The following RAPGEF2 variants were observed in gnomAD, a reference collection of about 807,000 sequenced individuals.
The protein encoded by RAPGEF2 is PDZ domain containing guanine nucleotide exchange factor (GEF) 1.
RAPGEF2 carries 54 observed loss-of-function variants against 186.7 expected under a neutral mutation model. The ratio of observed to expected loss-of-function variants is 0.29; its 90% CI spans 0.23 to 0.36. RAPGEF2 has a LOEUF of 0.36. Among genes scored for constraint, RAPGEF2 ranks in the 10% least tolerant of loss-of-function variants. The probability of loss-of-function intolerance (pLI) is 1.00; values close to 1 mark genes in which losing one functional copy is unlikely to be tolerated. For synonymous variants in RAPGEF2, 712 were observed against 705.9 expected (o/e 1.01, Z -0.14); for missense variants, 1,532 against 2,045.0 (o/e 0.75, Z 4.84).
chr4:159,306,764 T>C (rs1579864436), intron 8 of RAPGEF2, among the ~76,000 whole-genome samples: 1 of 152,166 alleles, frequency 6.6e-6, no homozygotes, highest in African/African-American at 2.4e-5. Context: ...GTTTGTCTTA[T>C]ATTACAAGTT....
intron 1 of RAPGEF2, among the ~76,000 whole-genome samples, chr4:159,109,876 G>A (rs772493225): frequency 6.6e-6 from 1 of 152,208 alleles, no homozygotes; most frequent in Non-Finnish European, 1.5e-5. Context: ...ACTGAGGAGG[G>A]GGTAAGGAAT....
Position 159,298,628 on chromosome 4 carries a change from T to C in RAPGEF2, c.544-5714T>C, listed in dbSNP as rs1418697117. ...AAGACAGTGTGGGTGTGTATGTATG[T>C]GCATGCCTAGAGAAAGAGAAACAAT... On this transcript the variant is annotated intron_variant, in intron 7 of 29. Coordinates refer to ENST00000691494, the MANE Select transcript of RAPGEF2 (RefSeq NM_001394067.2). 2.0e-5 allele frequency among the ~76,000 whole-genome samples: 3 copies of C among 152,218 alleles called. No individual in the cohort carries two copies. The East Asian group carries it at 5.8e-4, about 29-fold the overall frequency.
At chr4:159,207,440 C>T (rs1750104359) in intron 3 of RAPGEF2, among the ~76,000 whole-genome samples, 1 of 152,188 alleles carries the variant, frequency 6.6e-6, no homozygotes, top group Admixed American at 6.5e-5. Context: ...TTTTTGCCTT[C>T]AGAGTTGACA....
Position 159,193,195 on chromosome 4 carries a change from T to C in RAPGEF2, c.141-5T>C. On this transcript the variant is annotated splice_region_variant and splice_polypyrimidine_tract_variant and intron_variant, in intron 2 of 29. Transcript: ENST00000691494. The stretch of plus-strand genomic sequence containing the variant: ...GTTGAACTCATGTTTTTATCTCTTT[T>C]ACAGGTTAATGTGTGAAACTGTGAG... The C allele has an allele frequency of 6.7e-7, 1 of 1,483,362 alleles. No homozygotes were observed. 91.9% of individuals were successfully genotyped at this position (1,483,362 alleles called of 1,614,324 possible).
chr4:159,230,764 G>A (rs1402435629), intron 4 of RAPGEF2, among the ~76,000 whole-genome samples: 1 of 152,116 alleles, frequency 6.6e-6, no homozygotes, highest in African/African-American at 2.4e-5. Flanking sequence ...TGGTCATTGA[G>A]AATTCACCTC....
intron 7 of RAPGEF2, chr4:159,267,831 G>A (rs1229515872): frequency 3.1e-6 from 3 of 958,072 alleles, no homozygotes; most frequent in South Asian, 4.9e-5. Context: ...TTTGCCTCTT[G>A]TTCTTCAATC....
At chr4:159,212,676 A>G (rs148777822) in intron 4 of RAPGEF2, among the ~76,000 whole-genome samples, 200 of 152,350 alleles carry the variant, frequency 1.3e-3, no homozygotes, top group Middle Eastern at 0.01. Context: ...TAATAATTTT[A>G]AAGAATACAT....
At chr4:159,325,125 T>G (rs183945618) in intron 11 of RAPGEF2, among the ~76,000 whole-genome samples, 1 of 152,142 alleles carries the variant, frequency 6.6e-6, no homozygotes, top group Non-Finnish European at 1.5e-5. Flanking sequence ...TAAAATTATC[T>G]TATCTATAGA....
intron 7 of RAPGEF2, among the ~76,000 whole-genome samples, chr4:159,269,998 A>G (rs1034083182): frequency 6.6e-6 from 1 of 152,244 alleles, no homozygotes; most frequent in Non-Finnish European, 1.5e-5. Context: ...TTGTTTCCTG[A>G]CAAGTGCCTA....
At chr4:159,203,568 A>G (rs1368848172) in intron 3 of RAPGEF2, among the ~76,000 whole-genome samples, 1 of 152,224 alleles carries the variant, frequency 6.6e-6, no homozygotes, top group African/African-American at 2.4e-5. Flanking sequence ...AAGGATGAGT[A>G]ATAAATTTAC....
At chr4:159,340,536 T>C (rs1729239178) in intron 19 of RAPGEF2, among the ~76,000 whole-genome samples, 1 of 152,160 alleles carries the variant, frequency 6.6e-6, no homozygotes, top group Non-Finnish European at 1.5e-5. Context: ...GTGTTTGCCT[T>C]GGTGAAATAC....
intron 28 of RAPGEF2, among the ~76,000 whole-genome samples, chr4:159,354,636 T>C (rs1731691048): frequency 1.3e-5 from 2 of 152,194 alleles, no homozygotes; most frequent in African/African-American, 4.8e-5. Context: ...ACTTTATTAG[T>C]TTTGTGACAT....
At chr4:159,225,647 G>C (rs1288833601) in intron 4 of RAPGEF2, among the ~76,000 whole-genome samples, 2 of 152,122 alleles carry the variant, frequency 1.3e-5, no homozygotes, top group Non-Finnish European at 2.9e-5. Context: ...TCAACACTTG[G>C]TGTTGTCAGT....
chr4:159,142,286 A>G (rs1742436080), intron 1 of RAPGEF2, among the ~76,000 whole-genome samples: 1 of 152,196 alleles, frequency 6.6e-6, no homozygotes. Context: ...AAAATGAGGA[A>G]CATTTTTCTT....
At position 159,338,292 on chromosome 4, in the gene RAPGEF2, A is replaced by G. The variant is rs969357172; in HGVS notation, c.2136-19A>G. The G allele has an allele frequency of 2.5e-6, 4 of 1,591,314 alleles. No homozygotes were observed. The African/African-American group carries it at 4.0e-5, about 16-fold the overall frequency. Reference sequence around the variant, plus strand: ...CTTTTTAACTTGTTGATAATTTTCTAATTTTCCTCTTTGTTCAGTGATATT... The same window carrying G: ...CTTTTTAACTTGTTGATAATTTTCTGATTTTCCTCTTTGTTCAGTGATATT... On this transcript the variant is annotated intron_variant, in intron 17 of 29. Coordinates refer to ENST00000691494, the MANE Select transcript of RAPGEF2 (RefSeq NM_001394067.2).
chr4:159,343,259 T>C (rs1729802493), intron 21 of RAPGEF2, 22 bp from the exon 22 acceptor site: 2 of 1,614,072 alleles, frequency 1.2e-6, no homozygotes, highest in South Asian at 1.1e-5. Flanking sequence ...GTGATTTCCT[T>C]TTCCTCCTCT....
chr4:159,356,095 C>T lies in RAPGEF2; in HGVS notation c.4894C>T (p.Pro1632Ser), dbSNP rs1177716099. ...TGTGAACAAACCTCAGTGGCATAAA[C>T]CGAACGAGTCTGACCCGCGCCTCGC... is the stretch of plus-strand genomic sequence containing the variant. ...RPVNKPQWHKPNESDPRLAPY... is the reference protein window; with the variant it reads ...RPVNKPQWHKSNESDPRLAPY... The change falls in exon 29 of 30, where the codon CCG (proline) becomes TCG (serine). Residue 1632 changes from proline to serine, a missense_variant. Pro to Ser is a moderately conservative substitution (Grantham distance 74). Around this residue, in one of 4 missense-constraint regions of RAPGEF2, gnomAD observed 594 missense variants for 608.5 expected, o/e 0.98. Coordinates refer to ENST00000691494, the MANE Select transcript of RAPGEF2 (RefSeq NM_001394067.2). 1.9e-6 allele frequency: 3 copies of T among 1,614,220 alleles called. No homozygotes were observed. The South Asian group carries it at 3.3e-5, about 18-fold the overall frequency.
chr4:159,281,487 T>C (rs1759695285), intron 7 of RAPGEF2, among the ~76,000 whole-genome samples: 1 of 150,338 alleles, frequency 6.7e-6, no homozygotes, highest in Non-Finnish European at 1.5e-5. Flanking sequence ...CTGGCCAACA[T>C]GGTGAAACCC....
chr4:159,294,293 T>C (rs115977431), intron 7 of RAPGEF2, among the ~76,000 whole-genome samples: 58 of 152,298 alleles, frequency 3.8e-4, no homozygotes, highest in Admixed American at 9.2e-4. Flanking sequence ...CCATACTCCA[T>C]TGAGCATTTC....
Sources: gnomAD v4.1 joint callset for allele counts (sites outside exome capture counted in the v4.1 genomes callset) on GRCh38, gnomAD v4.1.1 for gene constraint, gnomAD v4.1.1 regional missense constraint, MANE v1.5 for transcripts, NCBI Gene and HGNC (gene_info 2026-07-23, HGNC 2026-07-21) for gene names.